The following RGPD2 variants were observed in gnomAD, a reference collection of about 807,000 sequenced individuals.
RGPD2 encodes the protein RANBP2-like and GRIP domain-containing protein 2.
A neutral mutation model predicts 36.0 loss-of-function variants in RGPD2; 2 were observed. The observed-to-expected ratio is 0.06, with a 90% confidence interval of 0.02 to 0.17. The LOEUF (loss-of-function observed/expected upper bound fraction) is 0.17, where lower values mean the gene tolerates loss of function less well. Ranked by LOEUF, RGPD2 falls within the 10% of genes least tolerant of loss-of-function variation. RGPD2 has a pLI of 1.00. For synonymous variants in RGPD2, 19 were observed against 163.8 expected (o/e 0.12, Z 6.75); for missense variants, 40 against 464.3 (o/e 0.09, Z 8.40).
At chr2:87,836,324 C>CGGAAGGAA in the RGPD2 span, among the ~76,000 whole-genome samples, 28 of 143,238 alleles carry the variant, frequency 2.0e-4, no homozygotes, top group African/African-American at 6.5e-4. Flanking sequence ...AGAGGGAGGA[C>CGGAAGGAA]GGAAGGAAGG....
At chr2:87,986,380 G>A in the RGPD2 span, among the ~76,000 whole-genome samples, 3 of 148,458 alleles carry the variant, frequency 2.0e-5, no homozygotes, top group Admixed American at 6.8e-5. Context: ...TGATCCACCC[G>A]CCTTGGCCTC....
At chr2:87,916,073 CA>C in the RGPD2 span, among the ~76,000 whole-genome samples, 1 of 151,834 alleles carries the variant, frequency 6.6e-6, no homozygotes, top group South Asian at 2.1e-4. Context: ...AGTGTGGCAT[CA>C]GCCAATTTCA....
the RGPD2 span, among the ~76,000 whole-genome samples, chr2:87,876,203 T>C: frequency 2.0e-5 from 3 of 149,938 alleles, no homozygotes; most frequent in African/African-American, 4.9e-5. Context: ...TGAAGAATTT[T>C]TTATGTCCCC....
At chr2:87,951,621 C>T in the RGPD2 span, among the ~76,000 whole-genome samples, 65 of 151,734 alleles carry the variant, frequency 4.3e-4, no homozygotes, top group African/African-American at 1.5e-3. Context: ...GAGACAGAGT[C>T]TCGCCCTGTA....
At chr2:87,843,823 C>T in the RGPD2 span, among the ~76,000 whole-genome samples, 1 of 151,764 alleles carries the variant, frequency 6.6e-6, no homozygotes, top group Non-Finnish European at 1.5e-5. Context: ...AAATGTCCAA[C>T]AATGATAGAC....
At chr2:87,876,607 G>A in the RGPD2 span, among the ~76,000 whole-genome samples, 1 of 152,390 alleles carries the variant, frequency 6.6e-6, no homozygotes, top group Middle Eastern at 3.4e-3. Context: ...CATTTACTGA[G>A]GAGTGTTTTA....
the RGPD2 span, among the ~76,000 whole-genome samples, chr2:87,871,865 C>CAAA: frequency 1.7e-3 from 225 of 131,182 alleles, no homozygotes; most frequent in East Asian, 3.2e-3. Context: ...AACTCTGTCT[C>CAAA]AAAAAAAAAA....
chr2:87,928,882 A>G, the RGPD2 span, among the ~76,000 whole-genome samples: 1 of 151,676 alleles, frequency 6.6e-6, no homozygotes, highest in South Asian at 2.1e-4. Flanking sequence ...TCCATCACCC[A>G]CTTTTTAATG....
At chr2:87,881,132 G>A in the RGPD2 span, among the ~76,000 whole-genome samples, 3 of 152,098 alleles carry the variant, frequency 2.0e-5, no homozygotes, top group Non-Finnish European at 4.4e-5. Flanking sequence ...TGCAAGGGGT[G>A]GGCTCACAAG....
intron 22 of RGPD2, among the ~76,000 whole-genome samples, chr2:87,769,915 TATAC>T (rs1469133429): frequency 6.6e-6 from 1 of 152,068 alleles, no homozygotes; most frequent in Non-Finnish European, 1.5e-5. Flanking sequence ...CTACTAAAAA[TATAC>T]ATGATGTATT....
At chr2:87,870,507 C>A in the RGPD2 span, among the ~76,000 whole-genome samples, 6 of 152,182 alleles carry the variant, frequency 3.9e-5, no homozygotes, top group Admixed American at 3.3e-4. Context: ...CATAGAAACC[C>A]CCATAAAGAC....
chr2:87,834,304 T>G, the RGPD2 span, among the ~76,000 whole-genome samples: 1 of 152,008 alleles, frequency 6.6e-6, no homozygotes, highest in African/African-American at 2.4e-5. Context: ...AAGAAAAAGG[T>G]ATCTGTGCAC....
chr2:87,825,416 GGCCGCC>G (rs1306325278), intron 1 of RGPD2, among the ~76,000 whole-genome samples: 25 of 96,172 alleles, frequency 2.6e-4, no homozygotes, highest in African/African-American at 7.5e-4. Context: ...CCGAGGCCGA[GGCCGCC>G]GCCGCCGCCG....
chr2:87,966,619 A>G, the RGPD2 span, among the ~76,000 whole-genome samples: 1 of 152,286 alleles, frequency 6.6e-6, no homozygotes, highest in Admixed American at 6.5e-5. Context: ...CCCCAAATGA[A>G]CCAATTAGAA....
At chr2:87,923,209 A>T in the RGPD2 span, among the ~76,000 whole-genome samples, 1 of 152,172 alleles carries the variant, frequency 6.6e-6, no homozygotes, top group South Asian at 2.1e-4. Flanking sequence ...TCAAATTTCT[A>T]TGAAAATGTG....
At chr2:87,769,802 ACTCTT>A (rs1685073166) in intron 22 of RGPD2, among the ~76,000 whole-genome samples, 4 of 150,656 alleles carry the variant, frequency 2.7e-5, no homozygotes. Context: ...GGGCAGTTTT[ACTCTT>A]AGGTGACTAG....
At chr2:87,915,577 T>C in the RGPD2 span, among the ~76,000 whole-genome samples, 1 of 142,666 alleles carries the variant, frequency 7.0e-6, no homozygotes, top group Non-Finnish European at 1.5e-5. Context: ...CACATATATG[T>C]GTGTGTATAT....
At chr2:87,884,910 GAA>G in the RGPD2 span, among the ~76,000 whole-genome samples, 1 of 152,128 alleles carries the variant, frequency 6.6e-6, no homozygotes, top group Non-Finnish European at 1.5e-5. Context: ...AAATTGAAGA[GAA>G]AAAGAGTACT....
the RGPD2 span, among the ~76,000 whole-genome samples, chr2:87,910,965 A>G: frequency 1.3e-5 from 2 of 151,930 alleles, no homozygotes; most frequent in African/African-American, 4.8e-5. Context: ...TTGTTCTGGG[A>G]TAAATTTGTA....
Sources: gnomAD v4.1 joint callset for allele counts (sites outside exome capture counted in the v4.1 genomes callset) on GRCh38, gnomAD v4.1.1 for gene constraint, MANE v1.5 for transcripts, NCBI Gene and HGNC (gene_info 2026-07-23, HGNC 2026-07-21) for gene names.